SGCG: variants seen among roughly 807,000 people sequenced by gnomAD.
The protein encoded by SGCG is sarcoglycan gamma.
In SGCG, 26 loss-of-function variants were observed where a neutral mutation model predicts 29.3. The observed-to-expected ratio is 0.89, with a 90% CI of 0.65 to 1.23. The LOEUF is 1.23. Ranked by LOEUF, SGCG falls within the 50% of genes most tolerant of loss-of-function variation. The pLI is 0.00. For missense variants in SGCG, 353 were observed against 356.0 expected, an observed-to-expected ratio of 0.99 and a Z score of 0.07; for synonymous variants, 145 against 129.7, an observed-to-expected ratio of 1.12 and a Z score of -0.80.
intron 3 of SGCG, 135 bp downstream of exon 3, chr13:23,234,847 A>G (rs1257891667): frequency 4.5e-6 from 3 of 662,994 alleles, no homozygotes; most frequent in Non-Finnish European, 8.2e-6. Context: ...CTCTTTATAA[A>G]AAGCTTGACT....
chr13:23,258,165 C>A (rs1880273034), intron 4 of SGCG, among the ~76,000 whole-genome samples: 1 of 152,162 alleles, frequency 6.6e-6, no homozygotes, highest in Non-Finnish European at 1.5e-5. Context: ...GATATTGATT[C>A]TTCCTATCCA....
chr13:23,193,331 G>A (rs1305712122), intron 1 of SGCG, among the ~76,000 whole-genome samples: 1 of 152,218 alleles, frequency 6.6e-6, no homozygotes, highest in Non-Finnish European at 1.5e-5. Context: ...TTTAAACAGG[G>A]CAGCAATGGT....
At chr13:23,301,353 T>C (rs538499224) in intron 6 of SGCG, among the ~76,000 whole-genome samples, 44 of 152,226 alleles carry the variant, frequency 2.9e-4, no homozygotes, top group Middle Eastern at 3.4e-3. Context: ...ATAGAAATTA[T>C]AGAAATGAGA....
intron 1 of SGCG, among the ~76,000 whole-genome samples, chr13:23,200,254 CTCTACT>C (rs1165139435): frequency 1.3e-5 from 2 of 152,066 alleles, no homozygotes; most frequent in Non-Finnish European, 2.9e-5. Context: ...GAAACCCCGT[CTCTACT>C]AAAAATACAA....
intron 4 of SGCG, among the ~76,000 whole-genome samples, chr13:23,273,271 G>A (rs1199212666): frequency 1.3e-5 from 2 of 151,236 alleles, no homozygotes; most frequent in African/African-American, 4.9e-5. Context: ...TGCAACCTCC[G>A]CCTCCTGGGT....
At chr13:23,284,968 C>G (rs569196335) in intron 5 of SGCG, among the ~76,000 whole-genome samples, 1 of 152,280 alleles carries the variant, frequency 6.6e-6, no homozygotes, top group African/African-American at 2.4e-5. Context: ...GCTACTTGTT[C>G]CTTCCTCTGG....
chr13:23,274,395 C>CTCTTTTT (rs1377323937), intron 4 of SGCG, among the ~76,000 whole-genome samples: 2 of 85,228 alleles, frequency 2.3e-5, no homozygotes, highest in Non-Finnish European at 4.3e-5. Context: ...CTTTCTTTCT[C>CTCTTTTT]TTTTTTTTTT....
the SGCG span, among the ~76,000 whole-genome samples, chr13:23,168,772 A>G: frequency 6.6e-6 from 1 of 152,228 alleles, no homozygotes. Context: ...ACAATTATCT[A>G]AATAAGGCAT....
chr13:23,274,395 C>CTTTTTTTTTT (rs869153381), intron 4 of SGCG, among the ~76,000 whole-genome samples: 25 of 85,248 alleles, frequency 2.9e-4, no homozygotes, highest in South Asian at 4.5e-4. Context: ...CTTTCTTTCT[C>CTTTTTTTTTT]TTTTTTTTTT....
At chr13:23,204,085 G>A (rs1248852033) in intron 2 of SGCG, among the ~76,000 whole-genome samples, 196 bp downstream of exon 2, 3 of 151,106 alleles carry the variant, frequency 2.0e-5, no homozygotes, top group East Asian at 3.8e-4. Flanking sequence ...GAACTATAGT[G>A]TGTTGGTTTT....
At position 23,188,496 on chromosome 13, in the gene SGCG, T is replaced by G. The variant is rs765929604; in HGVS notation, c.-1+7421T>G. Among the ~76,000 whole-genome samples the G allele has an allele frequency of 8.3e-3, 1,144 of 138,586 alleles. 14 individuals are homozygous for G. Among genetic ancestry groups the G allele is most frequent in the Non-Finnish European group, 0.012 (724 of 61,892 alleles). 90.9% of individuals were successfully genotyped at this position (138,586 alleles called of 152,430 possible). ...GCCTGCCTAATTTTTTTTTTTTTTT[T>G]TTTTTTGGGACAGGTATTCACCATG... On this transcript the variant is annotated intron_variant, in intron 1 of 7. Transcript: ENST00000218867.
At chr13:23,173,078 T>A in the SGCG span, among the ~76,000 whole-genome samples, 1 of 152,198 alleles carries the variant, frequency 6.6e-6, no homozygotes, top group African/African-American at 2.4e-5. Flanking sequence ...TGAAGCTCTG[T>A]CAGTTATTTT....
intron 3 of SGCG, among the ~76,000 whole-genome samples, chr13:23,248,469 G>A (rs879737939): frequency 2.6e-5 from 4 of 152,158 alleles, no homozygotes; most frequent in Non-Finnish European, 5.9e-5. Flanking sequence ...GGGAGGTGGA[G>A]GCGGGCGGAT....
upstream of SGCG, among the ~76,000 whole-genome samples, chr13:23,180,230 G>A (rs1236366825): frequency 1.3e-5 from 2 of 152,226 alleles, no homozygotes; most frequent in South Asian, 2.1e-4. Context: ...TCAGAAGTTC[G>A]ATATTTATTC....
chr13:23,321,480 A>G (rs899681374), intron 7 of SGCG, among the ~76,000 whole-genome samples: 10 of 152,220 alleles, frequency 6.6e-5, no homozygotes, highest in Non-Finnish European at 1.3e-4. Flanking sequence ...GCTAGCATCA[A>G]TGCTCTTGTG....
At chr13:23,262,458 C>T (rs537297724) in intron 4 of SGCG, among the ~76,000 whole-genome samples, 2 of 151,786 alleles carry the variant, frequency 1.3e-5, no homozygotes. Context: ...GAAGCTATAA[C>T]AATCCTCAAT....
At chr13:23,270,590 G>A (rs1308187763) in intron 4 of SGCG, among the ~76,000 whole-genome samples, 1 of 151,900 alleles carries the variant, frequency 6.6e-6, no homozygotes, top group Non-Finnish European at 1.5e-5. Context: ...TTCTGCCCAG[G>A]GTATATGTTG....
chr13:23,233,028 T>C (rs1879168514), intron 2 of SGCG, among the ~76,000 whole-genome samples: 1 of 152,090 alleles, frequency 6.6e-6, no homozygotes, highest in South Asian at 2.1e-4. Flanking sequence ...AAATTAACAA[T>C]AGAATTTGCA....
chr13:23,317,731 G>T (rs1012896709), intron 6 of SGCG, among the ~76,000 whole-genome samples: 3 of 152,122 alleles, frequency 2.0e-5, no homozygotes, highest in Non-Finnish European at 4.4e-5. Context: ...GTATTATGTT[G>T]GGTGTAATTA....
Sources: gnomAD v4.1 joint callset for allele counts (sites outside exome capture counted in the v4.1 genomes callset) on GRCh38, gnomAD v4.1.1 for gene constraint, MANE v1.5 for transcripts, NCBI Gene and HGNC (gene_info 2026-07-23, HGNC 2026-07-21) for gene names.